Variants in ITSN1 observed in about 807,000 individuals in gnomAD.
ITSN1 encodes intersectin-1.
ITSN1 carries 58 observed loss-of-function variants against 239.8 expected under a neutral mutation model. That is an observed-to-expected ratio of 0.24 (90% confidence interval 0.20 to 0.30). The LOEUF is 0.30. Among genes scored for constraint, ITSN1 ranks in the 10% least tolerant of loss-of-function variants. ITSN1 has a pLI of 1.00. For synonymous variants in ITSN1, 780 were observed against 770.8 expected (o/e 1.01, Z -0.20); for missense variants, 1,558 against 2,103.3 (o/e 0.74, Z 5.07).
At chr21:33,822,646 T>C (rs1473548519) in intron 24 of ITSN1, among the ~76,000 whole-genome samples, 1 of 151,964 alleles carries the variant, frequency 6.6e-6, no homozygotes, top group African/African-American at 2.4e-5. Context: ...AAAAGGAAAG[T>C]TTCTTCTGTA....
chr21:33,691,344 A>G (rs561019640), intron 1 of ITSN1, among the ~76,000 whole-genome samples: 3 of 152,342 alleles, frequency 2.0e-5, no homozygotes, highest in Non-Finnish European at 4.4e-5. Context: ...TAAGTTTTTT[A>G]CTCCACCTGG....
chr21:33,797,439 G>C lies in ITSN1; in HGVS notation c.2013G>C (p.Gln671His). Residue 671 changes from glutamine to histidine, a missense_variant, in exon 18 of 40, where the codon CAG becomes CAC. Physicochemically the swap from Gln to His is conservative, Grantham distance 24. Transcript: ENST00000381318. The surrounding 1 kb of genome is among the most constrained non-coding windows in gnomAD (Gnocchi z 4.9). ...LEHVQQEDEH[Q>H]RPRKLHEEEK... ...ATGTGCAGCAGGAGGACGAGCATCA[G>C]AGACCAAGAAAACTCCACGAAGAGG... The C allele has an allele frequency of 1.9e-6, 3 of 1,614,106 alleles. No homozygotes were observed. Among genetic ancestry groups the C allele is most frequent in the Non-Finnish European group, 2.5e-6 (3 of 1,180,014 alleles).
At chr21:33,684,102 A>C (rs748275338) in intron 1 of ITSN1, among the ~76,000 whole-genome samples, 1 of 152,204 alleles carries the variant, frequency 6.6e-6, no homozygotes, top group Non-Finnish European at 1.5e-5. Flanking sequence ...TTCCTGTTCC[A>C]TTAAAGCATT....
intron 5 of ITSN1, among the ~76,000 whole-genome samples, chr21:33,736,502 A>G (rs1327204199): frequency 6.6e-6 from 1 of 152,252 alleles, no homozygotes; most frequent in Non-Finnish European, 1.5e-5. Flanking sequence ...ATATATGAGC[A>G]AAGGCGAGGA....
In ITSN1 at chr21:33,690,775, G is replaced by GTATATA. The variant is rs1160314187; in HGVS notation, c.-32-28013_-32-28008dup. 5.1e-4 allele frequency among the ~76,000 whole-genome samples: 11 copies of GTATATA among 21,624 alleles called. 1 individual carries two copies. The highest frequency in any genetic ancestry group is 5.6e-4 in the Non-Finnish European group (6 of 10,680). The allele number at this position is 21,624 out of a possible 152,430, so 14.2% of individuals were successfully genotyped here. On this transcript the variant is annotated intron_variant, in intron 1 of 39. Transcript: ENST00000381318. ...GGCTCTGCCTCAGAAAAAAAAAAGTGTATATATATATATACATATATATAT... is the reference window on the plus strand; with the variant it reads ...GGCTCTGCCTCAGAAAAAAAAAAGTGTATATATATATATATATATACATATATATAT...
intron 5 of ITSN1, among the ~76,000 whole-genome samples, chr21:33,743,874 G>A (rs540371057): frequency 6.6e-6 from 1 of 152,240 alleles, no homozygotes; most frequent in South Asian, 2.1e-4. Flanking sequence ...AACAAGCCAA[G>A]GATTTTGTGT....
intron 8 of ITSN1, among the ~76,000 whole-genome samples, chr21:33,759,572 T>G (rs2068149225): frequency 6.6e-6 from 1 of 152,230 alleles, no homozygotes; most frequent in African/African-American, 2.4e-5. Flanking sequence ...AGATACAATG[T>G]TACAGACTAA....
intron 4 of ITSN1, among the ~76,000 whole-genome samples, chr21:33,726,635 C>T (rs1160904138): frequency 1.3e-5 from 2 of 151,832 alleles, no homozygotes; most frequent in African/African-American, 4.9e-5. Flanking sequence ...AATCCTCCCA[C>T]CTCAGCCTCC....
Position 33,836,494 on chromosome 21 carries a change from G to A in ITSN1, c.3523G>A (p.Ala1175Thr). ...CACCGCGCAGAATGACGATGAGCTG[G>A]CCTTCAACAAGGGCCAGATCATCAA... ...DYTAQNDDEL[A>T]FNKGQIINVL... The change falls in exon 29 of 40, where the codon GCC (alanine) becomes ACC (threonine). Residue 1175 changes from alanine to threonine, a missense_variant. Physicochemically the swap from Ala to Thr is moderately conservative, Grantham distance 58. Transcript: ENST00000381318. 2 of 1,614,062 alleles carry A rather than the reference G, an allele frequency of 1.2e-6. No individual in the cohort carries two copies. Among genetic ancestry groups the A allele is most frequent in the Admixed American group, 1.7e-5 (1 of 60,018 alleles).
rs550357425 is a variant in ITSN1 at position 33,736,695 on chromosome 21, G to C, written c.346+1491G>C. ...GACCCAGGCGTTAAAATAATTCAAGGGTGTTTGGGGTCGAACACAGTGGCT... is the reference window on the plus strand; with the variant it reads ...GACCCAGGCGTTAAAATAATTCAAGCGTGTTTGGGGTCGAACACAGTGGCT... On this transcript the variant is annotated intron_variant, in intron 5 of 39. Coordinates refer to ENST00000381318, the MANE Select transcript of ITSN1 (RefSeq NM_003024.3). 2.6e-5 allele frequency among the ~76,000 whole-genome samples: 4 copies of C among 152,260 alleles called. No individual in the cohort carries two copies. The South Asian group carries it at 8.3e-4, about 32-fold the overall frequency.
At chr21:33,868,983 G>A (rs900890312) in intron 33 of ITSN1, among the ~76,000 whole-genome samples, 4 of 151,148 alleles carry the variant, frequency 2.6e-5, no homozygotes, top group African/African-American at 9.8e-5. Context: ...TTTTTTTCTA[G>A]AAGAAAATAA....
chr21:33,868,493 C>T (rs1328597380), intron 33 of ITSN1, among the ~76,000 whole-genome samples: 3 of 152,210 alleles, frequency 2.0e-5, no homozygotes, highest in African/African-American at 4.8e-5. Context: ...GCTGAGAAAT[C>T]GAGCGCAGCG....
At chr21:33,790,371 TTTC>T (rs1321157851) in intron 16 of ITSN1, among the ~76,000 whole-genome samples, 3 of 152,066 alleles carry the variant, frequency 2.0e-5, no homozygotes, top group African/African-American at 7.2e-5. Flanking sequence ...GCAGCTACAA[TTTC>T]TTGACTACTT....
intron 17 of ITSN1, among the ~76,000 whole-genome samples, chr21:33,795,994 C>T (rs1009404714): frequency 1.9e-4 from 27 of 145,452 alleles, no homozygotes; most frequent in African/African-American, 1.3e-4. Flanking sequence ...GACGGAGTCT[C>T]GCTCTGTCAC....
At chr21:33,659,157 C>T (rs935737455) in intron 1 of ITSN1, among the ~76,000 whole-genome samples, 1 of 152,202 alleles carries the variant, frequency 6.6e-6, no homozygotes, top group East Asian at 1.9e-4. Flanking sequence ...AAATTGCAAA[C>T]GAAAGCCCTG....
intron 11 of ITSN1, among the ~76,000 whole-genome samples, chr21:33,769,921 T>C (rs954086387): frequency 2.7e-5 from 4 of 150,398 alleles, no homozygotes; most frequent in African/African-American, 9.8e-5. Flanking sequence ...GTCTTGAACT[T>C]TTGACTTTAG....
chr21:33,696,156 C>T (rs544915426), intron 1 of ITSN1, among the ~76,000 whole-genome samples: 2 of 152,300 alleles, frequency 1.3e-5, no homozygotes, highest in Admixed American at 6.5e-5. Flanking sequence ...TACCCAGTGA[C>T]TTTTCATTGA....
At chr21:33,696,839 T>C (rs1011043058) in intron 1 of ITSN1, among the ~76,000 whole-genome samples, 3 of 152,214 alleles carry the variant, frequency 2.0e-5, no homozygotes, top group Non-Finnish European at 4.4e-5. Flanking sequence ...CCACTGTTCG[T>C]GCCGATGAGC....
chr21:33,772,401 C>G (rs1043968349), intron 12 of ITSN1, 78 bp downstream of exon 12: 1 of 1,476,662 alleles, frequency 6.8e-7, no homozygotes, highest in Admixed American at 2.2e-5. Context: ...GATCTATTCA[C>G]GCCATCTTTG....
Sources: allele counts gnomAD v4.1 joint callset (sites outside exome capture counted in the v4.1 genomes callset), GRCh38; gene constraint gnomAD v4.1.1; non-coding constraint Gnocchi (gnomAD v3.1); transcripts MANE v1.5; gene names NCBI Gene and HGNC (gene_info 2026-07-23, HGNC 2026-07-21).